The following SAMTOR variants were observed in gnomAD, a reference collection of about 807,000 sequenced individuals.
The protein encoded by SAMTOR is UPF0532 protein C7orf60.
chr7:112,915,926 C>T, the SAMTOR span, among the ~76,000 whole-genome samples: 1,621 of 152,238 alleles, frequency 0.011, 30 homozygotes, highest in African/African-American at 0.037. Flanking sequence ...TCTTGTGTCT[C>T]TATTGACTGT....
At chr7:112,932,578 A>T in the SAMTOR span, among the ~76,000 whole-genome samples, 1 of 152,234 alleles carries the variant, frequency 6.6e-6, no homozygotes, top group Non-Finnish European at 1.5e-5. Context: ...CTATGTACTA[A>T]GGCTACAGAG....
the SAMTOR span, chr7:112,821,070 T>C: frequency 6.6e-6 from 1 of 152,480 alleles, no homozygotes; most frequent in Non-Finnish European, 1.5e-5. Context: ...ACTTTGGCAA[T>C]GGTGTTTATT....
chr7:112,920,340 GA>G, the SAMTOR span, among the ~76,000 whole-genome samples: 439 of 151,946 alleles, frequency 2.9e-3, 2 homozygotes, highest in African/African-American at 9.8e-3. Context: ...CAGAGCCAAA[GA>G]CAAAAACCAC....
the SAMTOR span, among the ~76,000 whole-genome samples, chr7:112,938,656 G>C: frequency 1.3e-5 from 2 of 152,182 alleles, no homozygotes. Context: ...CTCAGGAGAA[G>C]TCTCTCTCCC....
the SAMTOR span, among the ~76,000 whole-genome samples, chr7:112,863,440 A>G: frequency 1.3e-5 from 2 of 152,232 alleles, no homozygotes; most frequent in Non-Finnish European, 2.9e-5. Context: ...AATGAAATCT[A>G]ATTAAAATAA....
chr7:112,879,876 A>G, the SAMTOR span, among the ~76,000 whole-genome samples: 1 of 152,200 alleles, frequency 6.6e-6, no homozygotes, highest in African/African-American at 2.4e-5. Context: ...TGAAGACTCA[A>G]TTCTCTAAAT....
At chr7:112,880,970 A>G in the SAMTOR span, among the ~76,000 whole-genome samples, 15 of 152,008 alleles carry the variant, frequency 9.9e-5, no homozygotes, top group Non-Finnish European at 1.3e-4. Context: ...TCCTCTCCCA[A>G]GTTGGAAGGG....
At chr7:112,923,626 T>A in the SAMTOR span, among the ~76,000 whole-genome samples, 2 of 152,116 alleles carry the variant, frequency 1.3e-5, no homozygotes, top group African/African-American at 4.8e-5. Flanking sequence ...ATTGTGGAAG[T>A]CAGTGTGGTG....
chr7:112,934,206 TC>T, the SAMTOR span, among the ~76,000 whole-genome samples: 1 of 152,122 alleles, frequency 6.6e-6, no homozygotes, highest in Non-Finnish European at 1.5e-5. Context: ...CTTTTCTTCT[TC>T]CAAACTCTAA....
the SAMTOR span, among the ~76,000 whole-genome samples, chr7:112,869,695 C>A: frequency 2.6e-5 from 4 of 152,130 alleles, 1 homozygote; most frequent in South Asian, 8.3e-4. Flanking sequence ...CAAAGGATCA[C>A]ATGAGCTCCC....
At chr7:112,908,698 T>C in the SAMTOR span, among the ~76,000 whole-genome samples, 1 of 152,192 alleles carries the variant, frequency 6.6e-6, no homozygotes, top group Non-Finnish European at 1.5e-5. Flanking sequence ...TACATGGATA[T>C]GAATTTGTTT....
chr7:112,887,467 T>C, the SAMTOR span, among the ~76,000 whole-genome samples: 1 of 152,156 alleles, frequency 6.6e-6, no homozygotes, highest in African/African-American at 2.4e-5. Flanking sequence ...CAGAATGAGT[T>C]AGAAAGTGTT....
the SAMTOR span, among the ~76,000 whole-genome samples, chr7:112,887,528 T>C: frequency 1.3e-5 from 2 of 152,190 alleles, no homozygotes; most frequent in African/African-American, 4.8e-5. Context: ...GTATTCTTCC[T>C]TCCTTAAATG....
chr7:112,921,582 C>A, the SAMTOR span, among the ~76,000 whole-genome samples: 5,817 of 144,392 alleles, frequency 0.04, 357 homozygotes, highest in African/African-American at 0.14. Flanking sequence ...GCAACAAAAG[C>A]CAAAATTGAC....
chr7:112,898,504 G>A, the SAMTOR span, among the ~76,000 whole-genome samples: 1 of 152,228 alleles, frequency 6.6e-6, no homozygotes, highest in African/African-American at 2.4e-5. Flanking sequence ...TAAAGCCCCT[G>A]ATTCCAGGCT....
chr7:112,896,759 A>T, the SAMTOR span, among the ~76,000 whole-genome samples: 2 of 152,226 alleles, frequency 1.3e-5, no homozygotes, highest in African/African-American at 4.8e-5. Context: ...TGATAAACAG[A>T]TAAACAAAGA....
the SAMTOR span, among the ~76,000 whole-genome samples, chr7:112,847,079 A>G: frequency 2.0e-5 from 3 of 152,214 alleles, no homozygotes; most frequent in African/African-American, 7.2e-5. Flanking sequence ...TCACATCAAG[A>G]TAACTTTTAT....
chr7:112,903,906 T>C, the SAMTOR span, among the ~76,000 whole-genome samples: 3 of 151,962 alleles, frequency 2.0e-5, no homozygotes, highest in African/African-American at 4.8e-5. Context: ...ACTTCATCTA[T>C]GAGATGATTA....
the SAMTOR span, among the ~76,000 whole-genome samples, chr7:112,880,090 T>C: frequency 6.6e-6 from 1 of 152,182 alleles, no homozygotes; most frequent in African/African-American, 2.4e-5. Flanking sequence ...ACTTTATGAA[T>C]TCCTCCAGAC....
Sources: gnomAD v4.1 joint callset for allele counts (sites outside exome capture counted in the v4.1 genomes callset) on GRCh38, gnomAD v4.1.1 for gene constraint, MANE v1.5 for transcripts, NCBI Gene and HGNC (gene_info 2026-07-23, HGNC 2026-07-21) for gene names.